The following STAG2 variants were observed in gnomAD, a reference collection of about 807,000 sequenced individuals.
STAG2 encodes the protein cohesin subunit SA-2.
A neutral mutation model predicts 108.1 loss-of-function variants in STAG2; 14 were observed. That is an observed-to-expected ratio of 0.13 (90% CI 0.09 to 0.20). STAG2 has a LOEUF of 0.20. Ranked by LOEUF, STAG2 falls within the 10% of genes least tolerant of loss-of-function variation. The probability of loss-of-function intolerance (pLI) is 1.00; values close to 1 mark genes in which losing one functional copy is unlikely to be tolerated. For missense variants in STAG2, 440 were observed against 940.9 expected, an observed-to-expected ratio of 0.47 and a Z score of 6.96; for synonymous variants, 307 against 302.7, an observed-to-expected ratio of 1.01 and a Z score of -0.15.
At chrX:124,037,037 C>T (rs762491650) in intron 5 of STAG2, among the ~76,000 whole-genome samples, 20 of 110,083 alleles carry the variant, frequency 1.8e-4, no homozygotes, top group South Asian at 3.9e-4. Flanking sequence ...AGGCGTGCAC[C>T]ACCACGCCTG....
At chrX:123,990,561 A>C (rs1015460382) in intron 1 of STAG2, among the ~76,000 whole-genome samples, 4 of 111,683 alleles carry the variant, frequency 3.6e-5, no homozygotes, top group African/African-American at 1.3e-4. Context: ...GTGTCTTTTC[A>C]GAGTTGTGTT....
chrX:124,076,911 T>C (rs1253909383), intron 26 of STAG2, among the ~76,000 whole-genome samples: 2 of 110,734 alleles, frequency 1.8e-5, no homozygotes, highest in African/African-American at 6.6e-5. Context: ...ATTGTTAAGG[T>C]TTTCCCCTTT....
At chrX:124,022,137 G>A (rs1269106920) in intron 2 of STAG2, among the ~76,000 whole-genome samples, 2 of 110,885 alleles carry the variant, frequency 1.8e-5, no homozygotes, top group East Asian at 2.8e-4. Context: ...TTGGGAGGCC[G>A]AGGCAGGTGG....
At chrX:124,054,130 G>T (rs1201533532) in intron 13 of STAG2, among the ~76,000 whole-genome samples, 1 of 112,240 alleles carries the variant, frequency 8.9e-6, no homozygotes, top group Admixed American at 9.4e-5. Flanking sequence ...AGAAAAACTT[G>T]ACAGTATCTG....
chrX:124,024,343 T>C (rs1237938065), intron 3 of STAG2, among the ~76,000 whole-genome samples: 3 of 111,445 alleles, frequency 2.7e-5, no homozygotes. Flanking sequence ...GAAATAAATA[T>C]TACTTATACA....
chrX:124,062,385 TTGTG>T (rs1173596331), intron 17 of STAG2, among the ~76,000 whole-genome samples: 12 of 112,356 alleles, frequency 1.1e-4, no homozygotes, highest in Non-Finnish European at 2.1e-4. Flanking sequence ...ATGAATATGT[TTGTG>T]TGTGCATAAC....
chrX:124,061,283 G>T lies in STAG2; in HGVS notation c.1476G>T (p.Leu492=). The change falls in exon 16 of 35, where the codon CTG becomes CTT. Residue 492 remains leucine (L), a synonymous_variant. Transcript: ENST00000371145. ...DSMWDCATEL[L]KDWECMNSLL... is the part of the protein sequence containing the mutation. ...TGTGGGACTGTGCTACTGAGCTGCT[G>T]AAAGACTGGGAATGTATGAATAGCT... 1 of 1,210,546 alleles carries T rather than the reference G, an allele frequency of 8.3e-7. No individual in the cohort carries two copies. Among genetic ancestry groups the T allele is most frequent in the African/African-American group, 1.7e-5 (1 of 57,748 alleles).
intron 34 of STAG2, 130 bp downstream of exon 34, chrX:124,095,579 A>C (rs2059356924): frequency 2.0e-6 from 1 of 500,154 alleles, no homozygotes; most frequent in South Asian, 3.1e-5. Context: ...AAAAAGAGGC[A>C]GGCAGGCAGG....
Position 124,096,117 on chromosome X carries a change from G to T in STAG2, c.3783+668G>T, listed in dbSNP as rs774381178. ...GCTGCTCCTTTATGCCTCTTGTGGG[G>T]TCATCTTTCTAAAAATGCAGATCTG... On this transcript the variant is annotated intron_variant, in intron 34 of 34. Coordinates refer to ENST00000371145, the MANE Select transcript of STAG2 (RefSeq NM_001042750.2). Among the ~76,000 whole-genome samples, 12 of 110,195 alleles carry T rather than the reference G, an allele frequency of 1.1e-4. No homozygotes were observed. In the East Asian group the frequency reaches 3.1e-3, roughly 29 times the overall value.
At chrX:124,051,653 C>T (rs1043316770) in intron 13 of STAG2, among the ~76,000 whole-genome samples, 3 of 108,965 alleles carry the variant, frequency 2.8e-5, no homozygotes, top group Non-Finnish European at 5.7e-5. Flanking sequence ...TGCAGTGGTA[C>T]GATCTCAGCT....
intron 34 of STAG2, among the ~76,000 whole-genome samples, chrX:124,096,057 C>T (rs1476567003): frequency 9.1e-6 from 1 of 110,393 alleles, no homozygotes; most frequent in East Asian, 2.8e-4. Context: ...TTCACATGGG[C>T]TGTTGCAAAG....
chrX:124,086,874 C>T, intron 30 of STAG2, 104 bp downstream of exon 30: 1 of 659,860 alleles, frequency 1.5e-6, no homozygotes, highest in Non-Finnish European at 2.2e-6. Flanking sequence ...TCAATAATAG[C>T]TTACAAAATG....
At chrX:123,966,674 C>T (rs1437326003) in intron 1 of STAG2, among the ~76,000 whole-genome samples, 1 of 110,759 alleles carries the variant, frequency 9.0e-6, no homozygotes, top group Non-Finnish European at 1.9e-5. Context: ...GTTTAATTTA[C>T]CCAAATTTTA....
intron 30 of STAG2, among the ~76,000 whole-genome samples, chrX:124,089,220 A>G (rs1182320633): frequency 8.9e-6 from 1 of 111,828 alleles, no homozygotes; most frequent in African/African-American, 3.2e-5. Context: ...CATATGTATA[A>G]TCTTCTAATG....
chrX:123,992,996 G>A (rs1263033816), intron 1 of STAG2, among the ~76,000 whole-genome samples: 1 of 111,573 alleles, frequency 9.0e-6, no homozygotes, highest in African/African-American at 3.3e-5. Context: ...TTTATTAATA[G>A]AAAAAGCAGG....
chrX:124,013,347 A>G (rs868358664), intron 1 of STAG2, among the ~76,000 whole-genome samples: 3 of 108,524 alleles, frequency 2.8e-5, no homozygotes, highest in Non-Finnish European at 5.8e-5. Flanking sequence ...ACACACACAC[A>G]CGCACACCAG....
rs139855883 is a variant in STAG2 at position 124,018,637 on chromosome X, T to C, written c.-162-2730T>C. Among the ~76,000 whole-genome samples, 3 of 110,110 alleles carry C rather than the reference T, an allele frequency of 2.7e-5. No homozygotes were observed. The East Asian group carries it at 8.7e-4, about 32-fold the overall frequency. ...TGCCTCAGCCTCCCAAGTAGCTAGG[T>C]CTATAGGTGTGTGCCATCATGCCCG... On this transcript the variant is annotated intron_variant, in intron 1 of 34. Transcript: ENST00000371145.
rs148028136 is a variant in STAG2 at position 124,045,936 on chromosome X, A to G, written c.667+568A>G. On this transcript the variant is annotated intron_variant, in intron 8 of 34. Transcript: ENST00000371145. ...CCTGTTCTTTCAGTCACACTGCAAA[A>G]AATTGATTTTTCTTATGTTTCTGGG... Among the ~76,000 whole-genome samples, 191 of 110,653 alleles carry G rather than the reference A, an allele frequency of 1.7e-3. 1 individual carries two copies. The highest frequency in any genetic ancestry group is 3.8e-3 in the Admixed American group (39 of 10,308).
At chrX:124,047,950 C>G (rs1291621787) in intron 9 of STAG2, among the ~76,000 whole-genome samples, 7 of 112,284 alleles carry the variant, frequency 6.2e-5, no homozygotes, top group Non-Finnish European at 1.3e-4. Flanking sequence ...CCACCAAATT[C>G]AACTCTGAAT....
Sources: allele counts gnomAD v4.1 joint callset (sites outside exome capture counted in the v4.1 genomes callset), GRCh38; gene constraint gnomAD v4.1.1; transcripts MANE v1.5; gene names NCBI Gene and HGNC (gene_info 2026-07-23, HGNC 2026-07-21).